The following SERGEF variants were observed in gnomAD, a reference collection of about 807,000 sequenced individuals.
SERGEF encodes the protein secretion regulating guanine nucleotide exchange factor.
Under a neutral mutation model 50.0 loss-of-function variants are expected in SERGEF, and 51 were observed. The observed-to-expected ratio is 1.02, with a 90% CI of 0.81 to 1.29. The LOEUF (loss-of-function observed/expected upper bound fraction) is 1.29. SERGEF is among the 50% of genes most tolerant of loss of function. The pLI is 0.00. For synonymous variants in SERGEF, 205 were observed against 212.4 expected, an observed-to-expected ratio of 0.97 and a Z score of 0.30; for missense variants, 521 against 557.0, an observed-to-expected ratio of 0.94 and a Z score of 0.65.
intron 10 of SERGEF, among the ~76,000 whole-genome samples, chr11:17,840,338 T>C (rs1225630692): frequency 6.6e-6 from 1 of 152,234 alleles, no homozygotes; most frequent in Non-Finnish European, 1.5e-5. Context: ...GCAAATGTTC[T>C]TAAAGCATGT....
intron 10 of SERGEF, chr11:17,866,671 A>AT (rs1420918273): frequency 2.6e-5 from 4 of 152,106 alleles, no homozygotes; most frequent in Non-Finnish European, 5.9e-5. Flanking sequence ...AGCCCAGCTA[A>AT]TTTTTTTGTA....
chr11:17,904,562 T>C (rs1378672309), intron 9 of SERGEF, among the ~76,000 whole-genome samples: 1 of 152,234 alleles, frequency 6.6e-6, no homozygotes, highest in Non-Finnish European at 1.5e-5. Context: ...TTCTATGAAC[T>C]GTTAGGTGAC....
At chr11:17,851,777 G>A (rs1266437355) in intron 10 of SERGEF, among the ~76,000 whole-genome samples, 1 of 152,216 alleles carries the variant, frequency 6.6e-6, no homozygotes, top group Non-Finnish European at 1.5e-5. Context: ...ATGTATCCAA[G>A]GTGACTGTGC....
In SERGEF at chr11:17,998,548, A is replaced by G. The variant is rs182999500; in HGVS notation, c.508+1949T>C. Among the ~76,000 whole-genome samples, 533 of 54,178 alleles carry G rather than the reference A, an allele frequency of 9.8e-3. 4 individuals are homozygous for G. The highest frequency in any genetic ancestry group is 0.032 in the South Asian group (48 of 1,488). The allele number at this position is 54,178 out of a possible 152,430, so 35.5% of individuals were successfully genotyped here. ...TTTATATGTGTGTGTGTGTGTGTGTATGTGTATGTGTGTATTTATATACAG... is the reference window on the plus strand; with the variant it reads ...TTTATATGTGTGTGTGTGTGTGTGTGTGTGTATGTGTGTATTTATATACAG... On this transcript the variant is annotated intron_variant, in intron 5 of 10. Transcript: ENST00000265965.
chr11:18,002,140 A>C, intron 4 of SERGEF: 2 of 389,622 alleles, frequency 5.1e-6, no homozygotes, highest in Non-Finnish European at 1.0e-5. Context: ...ATTGTCCTTT[A>C]TATTTTTCTT....
intron 9 of SERGEF, among the ~76,000 whole-genome samples, chr11:17,889,996 C>A (rs1443901350): frequency 7.7e-6 from 1 of 130,710 alleles, no homozygotes; most frequent in Non-Finnish European, 1.6e-5. Context: ...AAGATCTGTG[C>A]ATTTTACTGT....
intron 10 of SERGEF, among the ~76,000 whole-genome samples, chr11:17,789,574 TA>T (rs924006143): frequency 4.6e-5 from 7 of 151,872 alleles, no homozygotes; most frequent in African/African-American, 1.2e-4. Context: ...TGTGGTCGTT[TA>T]AAAAAAATCT....
At chr11:17,800,003 C>T (rs1171686281) in intron 10 of SERGEF, among the ~76,000 whole-genome samples, 1 of 152,142 alleles carries the variant, frequency 6.6e-6, no homozygotes, top group African/African-American at 2.4e-5. Flanking sequence ...TGAGATGGAT[C>T]AAACCCCGAA....
At chr11:17,957,421 G>GA (rs548890269) in intron 9 of SERGEF, among the ~76,000 whole-genome samples, 377 of 152,226 alleles carry the variant, frequency 2.5e-3, no homozygotes, top group African/African-American at 8.5e-3. Context: ...TAGAGACTCG[G>GA]AAAAATCTAA....
intron 9 of SERGEF, among the ~76,000 whole-genome samples, chr11:17,934,740 AATAGAAC>A (rs1192106679): frequency 6.6e-6 from 1 of 152,218 alleles, no homozygotes; most frequent in Non-Finnish European, 1.5e-5. Flanking sequence ...ATGAATTTCT[AATAGAAC>A]TATATAATCA....
intron 9 of SERGEF, among the ~76,000 whole-genome samples, chr11:17,955,304 C>T (rs954972605): frequency 2.0e-5 from 3 of 152,206 alleles, no homozygotes; most frequent in Admixed American, 1.3e-4. Context: ...TATTAACTTA[C>T]ATACCTGGAA....
At chr11:17,956,993 G>C (rs1388521864) in intron 9 of SERGEF, among the ~76,000 whole-genome samples, 1 of 152,150 alleles carries the variant, frequency 6.6e-6, no homozygotes, top group East Asian at 1.9e-4. Flanking sequence ...GGCCAGACCT[G>C]GATATCCACA....
chr11:17,860,968 T>C (rs1286093138), intron 10 of SERGEF, among the ~76,000 whole-genome samples: 1 of 151,968 alleles, frequency 6.6e-6, no homozygotes. Flanking sequence ...GTTTCAAGAG[T>C]GAAGGCTAAA....
intron 9 of SERGEF, among the ~76,000 whole-genome samples, chr11:17,949,889 C>T (rs1852741869): frequency 6.6e-6 from 1 of 152,188 alleles, no homozygotes; most frequent in South Asian, 2.1e-4. Context: ...GATTATAAGA[C>T]ATCATCCTTG....
intron 4 of SERGEF, among the ~76,000 whole-genome samples, chr11:18,000,971 T>G (rs1853948544): frequency 6.6e-6 from 1 of 152,196 alleles, no homozygotes; most frequent in African/African-American, 2.4e-5. Context: ...AGTAAGACTT[T>G]ATTTACCAAG....
chr11:17,995,926 A>C lies in SERGEF; in HGVS notation c.509-17T>G. The stretch of plus-strand genomic sequence containing the variant: ...TGCCACTCGCTTCCCAACAGAATGG[A>C]AGAGAAAGCAGAGAAGATGCACATC... On this transcript the variant is annotated splice_polypyrimidine_tract_variant and intron_variant, in intron 5 of 10. Transcript: ENST00000265965. The C allele has an allele frequency of 6.4e-7, 1 of 1,572,000 alleles. No individual in the cohort carries two copies.
chr11:18,007,853 A>C, intron 2 of SERGEF, 88 bp downstream of exon 2: 12 of 1,331,410 alleles, frequency 9.0e-6, no homozygotes, highest in Non-Finnish European at 1.2e-5. Flanking sequence ...TCTGCAAAAT[A>C]CAAAAGGCTG....
At chr11:17,907,769 G>A (rs1249760572) in intron 9 of SERGEF, among the ~76,000 whole-genome samples, 1 of 152,238 alleles carries the variant, frequency 6.6e-6, no homozygotes, top group African/African-American at 2.4e-5. Context: ...GCCAAAAGGA[G>A]AAGGATCTCA....
intron 10 of SERGEF, among the ~76,000 whole-genome samples, chr11:17,808,323 G>A (rs1004934059): frequency 6.6e-6 from 1 of 152,224 alleles, no homozygotes; most frequent in Non-Finnish European, 1.5e-5. Context: ...GCCAGCATCT[G>A]TTTCTGGTGA....
Sources: gnomAD v4.1 joint callset for allele counts (sites outside exome capture counted in the v4.1 genomes callset) on GRCh38, gnomAD v4.1.1 for gene constraint, MANE v1.5 for transcripts, NCBI Gene and HGNC (gene_info 2026-07-23, HGNC 2026-07-21) for gene names.